RPH3A: variants seen among roughly 807,000 people sequenced by gnomAD.
The protein encoded by RPH3A is rabphilin-3A.
RPH3A carries 48 observed loss-of-function variants against 102.2 expected under a neutral mutation model. That is an observed-to-expected ratio of 0.47 (90% CI 0.37 to 0.60). The LOEUF (loss-of-function observed/expected upper bound fraction) is 0.60. Among genes scored for constraint, RPH3A ranks in the 20% least tolerant of loss-of-function variants. The probability of loss-of-function intolerance (pLI) is 0.00; values close to 1 mark genes in which losing one functional copy is unlikely to be tolerated. For synonymous variants in RPH3A, 310 were observed against 324.3 expected, an observed-to-expected ratio of 0.96 and a Z score of 0.47; for missense variants, 781 against 910.1, an observed-to-expected ratio of 0.86 and a Z score of 1.83.
intron 1 of RPH3A, among the ~76,000 whole-genome samples, chr12:112,694,442 G>A (rs1218906502): frequency 6.6e-6 from 1 of 152,098 alleles, no homozygotes; most frequent in Non-Finnish European, 1.5e-5. Flanking sequence ...AGGCCCAAGT[G>A]GGACCTCTTA....
At chr12:112,669,633 G>A (rs1040427675) in intron 1 of RPH3A, among the ~76,000 whole-genome samples, 8 of 152,168 alleles carry the variant, frequency 5.3e-5, no homozygotes, top group Non-Finnish European at 8.8e-5. Flanking sequence ...CCTACTTTCA[G>A]ATTTTTAAAA....
chr12:112,788,546 T>C (rs2041066266), upstream of RPH3A, among the ~76,000 whole-genome samples: 2 of 152,360 alleles, frequency 1.3e-5, no homozygotes, highest in Middle Eastern at 3.4e-3. Context: ...CTGCTTCTTG[T>C]CTGCAAATGG....
intron 4 of RPH3A, among the ~76,000 whole-genome samples, chr12:112,844,212 G>A (rs561950606): frequency 4.7e-4 from 71 of 152,298 alleles, no homozygotes; most frequent in Admixed American, 1.2e-3. Flanking sequence ...AAGGGGATGA[G>A]CTGTCACTCT....
intron 1 of RPH3A, among the ~76,000 whole-genome samples, chr12:112,716,774 G>A (rs1007070283): frequency 6.6e-5 from 10 of 152,206 alleles, no homozygotes; most frequent in African/African-American, 2.4e-4. Flanking sequence ...GGGACAATTA[G>A]TGGTCTTTTC....
chr12:112,717,546 A>G (rs1320557749), intron 1 of RPH3A, among the ~76,000 whole-genome samples: 1 of 152,104 alleles, frequency 6.6e-6, no homozygotes. Context: ...CATTTGAGAT[A>G]CATCAATGTT....
At chr12:112,877,138 C>T (rs2042816655) in intron 13 of RPH3A, among the ~76,000 whole-genome samples, 2 of 152,020 alleles carry the variant, frequency 1.3e-5, no homozygotes, top group Non-Finnish European at 2.9e-5. Flanking sequence ...TTAAAGATTG[C>T]AATTCGGTGG....
At chr12:112,703,168 AGTT>A (rs1337582009) in intron 1 of RPH3A, among the ~76,000 whole-genome samples, 7 of 152,206 alleles carry the variant, frequency 4.6e-5, no homozygotes, top group Admixed American at 6.5e-5. Context: ...TGCTTGGGGT[AGTT>A]GTTGGTCCAA....
intron 1 of RPH3A, among the ~76,000 whole-genome samples, chr12:112,753,561 C>G (rs2040800046): frequency 6.6e-6 from 1 of 152,136 alleles, no homozygotes; most frequent in Non-Finnish European, 1.5e-5. Context: ...GAAAATTTCT[C>G]TCTGGTGAAA....
chr12:112,632,904 T>C (rs1264547190), intron 1 of RPH3A, among the ~76,000 whole-genome samples: 1 of 151,896 alleles, frequency 6.6e-6, no homozygotes. Flanking sequence ...AAAAACTGGA[T>C]CTAGGGGGTT....
chr12:112,806,370 C>G (rs1329796816), intron 2 of RPH3A, among the ~76,000 whole-genome samples: 1 of 152,192 alleles, frequency 6.6e-6, no homozygotes, highest in Non-Finnish European at 1.5e-5. Context: ...TACACTGGCT[C>G]ACGCCTGTAA....
chr12:112,798,335 A>T (rs1001300686), intron 2 of RPH3A, among the ~76,000 whole-genome samples: 3 of 152,202 alleles, frequency 2.0e-5, no homozygotes, highest in Non-Finnish European at 4.4e-5. Flanking sequence ...AGGGGGGGAA[A>T]TATCTTCTCA....
intron 1 of RPH3A, among the ~76,000 whole-genome samples, chr12:112,611,207 A>G (rs1256607566): frequency 2.0e-5 from 3 of 152,238 alleles, no homozygotes; most frequent in Non-Finnish European, 4.4e-5. Flanking sequence ...TTAGCTTGTT[A>G]ATCAGTTTCA....
intron 3 of RPH3A, among the ~76,000 whole-genome samples, chr12:112,833,663 G>A (rs1450313813): frequency 6.6e-6 from 1 of 151,778 alleles, no homozygotes; most frequent in Non-Finnish European, 1.5e-5. Flanking sequence ...GCTTTACAGA[G>A]GTAGAATTAA....
intron 5 of RPH3A, among the ~76,000 whole-genome samples, chr12:112,854,778 G>A (rs896291735): frequency 2.0e-5 from 3 of 152,206 alleles, no homozygotes; most frequent in Non-Finnish European, 2.9e-5. Context: ...TTGCCCAGAG[G>A]CACACAGCCT....
chr12:112,874,199 T>A (rs1412003325), intron 10 of RPH3A: 1 of 152,208 alleles, frequency 6.6e-6, no homozygotes, highest in African/African-American at 2.4e-5. Context: ...CATCACACCT[T>A]CTGGGTACCA....
At chr12:112,819,930 G>T (rs1242150988) in intron 2 of RPH3A, among the ~76,000 whole-genome samples, 1 of 152,238 alleles carries the variant, frequency 6.6e-6, no homozygotes, top group Admixed American at 6.5e-5. Flanking sequence ...ATCTTCTACT[G>T]TCCCGTTGGC....
chr12:112,619,822 C>A (rs2039709384), intron 1 of RPH3A, among the ~76,000 whole-genome samples: 1 of 152,068 alleles, frequency 6.6e-6, no homozygotes, highest in Admixed American at 6.6e-5. Flanking sequence ...CTACCTAATT[C>A]TTTTTAGTGG....
At chr12:112,633,181 C>G (rs939329330) in intron 1 of RPH3A, among the ~76,000 whole-genome samples, 7 of 152,112 alleles carry the variant, frequency 4.6e-5, no homozygotes, top group Non-Finnish European at 1.0e-4. Context: ...GCCTGGGCAA[C>G]AGAGCAAAAC....
chr12:112,662,990 T>C (rs1006261111), intron 1 of RPH3A, among the ~76,000 whole-genome samples: 6 of 151,530 alleles, frequency 4.0e-5, no homozygotes, highest in African/African-American at 1.5e-4. Flanking sequence ...TAGAAGAATA[T>C]GAACATGGAG....
Sources: gnomAD v4.1 joint callset for allele counts (sites outside exome capture counted in the v4.1 genomes callset) on GRCh38, gnomAD v4.1.1 for gene constraint, MANE v1.5 for transcripts, NCBI Gene and HGNC (gene_info 2026-07-23, HGNC 2026-07-21) for gene names.